TRANK1: variants seen among roughly 807,000 people sequenced by gnomAD.
TRANK1 encodes the protein TPR and ankyrin repeat-containing protein 1.
TRANK1 carries 198 observed loss-of-function variants against 266.0 expected under a neutral mutation model. The observed-to-expected ratio is 0.74, with a 90% CI of 0.66 to 0.84. The LOEUF (loss-of-function observed/expected upper bound fraction) is 0.84, where lower values mean the gene tolerates loss of function less well. Ranked by LOEUF, TRANK1 falls within the 40% of genes least tolerant of loss-of-function variation. The pLI is 0.00. For missense variants in TRANK1, 3,326 were observed against 3,634.6 expected, an observed-to-expected ratio of 0.92 and a Z score of 2.18; for synonymous variants, 1,396 against 1,384.1, an observed-to-expected ratio of 1.01 and a Z score of -0.19.
chr3:36,860,791 T>A, intron 11 of TRANK1, 115 bp downstream of exon 11: 1 of 1,410,044 alleles, frequency 7.1e-7, no homozygotes, highest in Non-Finnish European at 9.4e-7. Context: ...GGGTAGGCAA[T>A]GAGGGTGAAC....
chr3:36,845,926 T>C (rs1187719951), intron 17 of TRANK1, among the ~76,000 whole-genome samples: 2 of 152,232 alleles, frequency 1.3e-5, no homozygotes, highest in Non-Finnish European at 2.9e-5. Flanking sequence ...TTTATTTTGA[T>C]AGATACTGTT....
At position 36,850,853 on chromosome 3, in the gene TRANK1, T is replaced by C. The variant is rs1003741946; in HGVS notation, c.4887+866A>G. The C allele has an allele frequency of 7.1e-6, 7 of 985,286 alleles. No individual in the cohort carries two copies. In the Admixed American group the frequency reaches 3.7e-4, roughly 52 times the overall value. 61.0% of individuals were successfully genotyped at this position (985,286 alleles called of 1,614,324 possible). On this transcript the variant is annotated intron_variant, in intron 15 of 23. Coordinates refer to ENST00000645898, the MANE Select transcript of TRANK1 (RefSeq NM_001329998.2). ...TTTAAAGTGTTAAAGCCAACAGTGCTCTTGACTTGGGTATAACATAGCCCC... is the reference window on the plus strand; with the variant it reads ...TTTAAAGTGTTAAAGCCAACAGTGCCCTTGACTTGGGTATAACATAGCCCC...
At chr3:36,922,259 G>A (rs2080226270) in intron 1 of TRANK1, among the ~76,000 whole-genome samples, 1 of 152,216 alleles carries the variant, frequency 6.6e-6, no homozygotes, top group African/African-American at 2.4e-5. Context: ...TCTGTCCAAT[G>A]TGGTAACCAC....
At chr3:36,867,981 C>G (rs9859093) in intron 9 of TRANK1, among the ~76,000 whole-genome samples, 50,431 of 152,042 alleles carry the variant, frequency 0.33, 9,406 homozygotes, top group East Asian at 0.57. Flanking sequence ...TAGGTGAACT[C>G]ACATGTCTCA....
chr3:36,868,392 C>T (rs1180157094), intron 9 of TRANK1, among the ~76,000 whole-genome samples: 4 of 152,030 alleles, frequency 2.6e-5, no homozygotes, highest in Non-Finnish European at 5.9e-5. Flanking sequence ...TGTATATACA[C>T]AGATTTGAAA....
rs1273591799 is a variant in TRANK1 at position 36,918,490 on chromosome 3, AG to A, written c.24-10037del. Among the ~76,000 whole-genome samples, 6 of 17,048 alleles carry A rather than the reference AG, an allele frequency of 3.5e-4. No homozygotes were observed. In the East Asian group the frequency reaches 8.9e-3, roughly 25 times the overall value. 11.2% of individuals were successfully genotyped at this position (17,048 alleles called of 152,430 possible). ...AAAGAAGAAAGAAAGAAAGAAAGAA[AG>A]AAAGAAAGAAAGAAAGAAAGAAAGA... On this transcript the variant is annotated intron_variant, in intron 1 of 23. Coordinates refer to ENST00000645898, the MANE Select transcript of TRANK1 (RefSeq NM_001329998.2).
At position 36,832,005 on chromosome 3, in the gene TRANK1, G is replaced by C; in HGVS notation, c.7578C>G (p.Leu2526=). The change falls in exon 22 of 24, where the codon CTC becomes CTG. Residue 2526 remains leucine, a synonymous_variant. Transcript: ENST00000645898. The stretch of plus-strand genomic sequence containing the variant: ...CACATAGCACCTTGGCGAGGTAGGA[G>C]AGATGGAACCGGAAATCCTGAATGG... The part of the protein sequence containing the change: ...TRAIQDFRFH[L]SYLAKVLCGY... 3 of 1,614,052 alleles carry C rather than the reference G, an allele frequency of 1.9e-6. No homozygotes were observed. The highest frequency in any genetic ancestry group is 2.5e-6 in the Non-Finnish European group (3 of 1,179,910).
rs201299933 is a variant in TRANK1 at position 36,892,859 on chromosome 3, A to ATATC, written c.636+41_636+42insGATA. 7.5e-3 allele frequency: 5,373 copies of ATATC among 720,174 alleles called. 217 individuals are homozygous for ATATC. In the African/African-American group the frequency reaches 0.089, roughly 12 times the overall value. The allele number at this position is 720,174 out of a possible 1,614,324, so 44.6% of individuals were successfully genotyped here. A position where few individuals can be genotyped will look rare whatever the true frequency, so the allele number is the denominator to read the frequency against. Reference sequence around the variant, plus strand: ...AAACAAAACAAAACAAAACATATATATATATATATATAGATATATATAGAT... The same window carrying ATATC: ...AAACAAAACAAAACAAAACATATATATATCTATATATATATAGATATATATAGAT... On this transcript the variant is annotated intron_variant, in intron 6 of 23. Coordinates refer to ENST00000645898, the MANE Select transcript of TRANK1 (RefSeq NM_001329998.2).
intron 15 of TRANK1, among the ~76,000 whole-genome samples, chr3:36,849,396 C>T (rs2078958407): frequency 6.6e-6 from 1 of 152,194 alleles, no homozygotes; most frequent in South Asian, 2.1e-4. Flanking sequence ...TCTGTGGTCC[C>T]TTTCACATCT....
At chr3:36,852,922 C>T (rs1433191117) in intron 13 of TRANK1, among the ~76,000 whole-genome samples, 1 of 152,078 alleles carries the variant, frequency 6.6e-6, no homozygotes, top group Admixed American at 6.5e-5. Context: ...AAAAACAGTG[C>T]TGCATGTGAG....
intron 8 of TRANK1, 29 bp downstream of exon 8, chr3:36,889,800 C>A (rs1244056239): frequency 3.4e-5 from 52 of 1,512,894 alleles, no homozygotes; most frequent in Non-Finnish European, 4.4e-5. Flanking sequence ...CCAGCCACAG[C>A]GCACCCTCTG....
intron 1 of TRANK1, among the ~76,000 whole-genome samples, chr3:36,914,953 T>C (rs2080104777): frequency 6.6e-6 from 1 of 150,910 alleles, no homozygotes; most frequent in Non-Finnish European, 1.5e-5. Flanking sequence ...TATTTCTTTT[T>C]TGTTTTTTGT....
intron 1 of TRANK1, among the ~76,000 whole-genome samples, chr3:36,920,065 G>T (rs2080193909): frequency 6.6e-6 from 1 of 152,190 alleles, no homozygotes; most frequent in Non-Finnish European, 1.5e-5. Context: ...CTCCTATGCG[G>T]TACACAAACT....
chr3:36,833,739 G>A lies in TRANK1; in HGVS notation c.5844C>T (p.Arg1948=), dbSNP rs776588368. 2 of 1,614,018 alleles carry A rather than the reference G, an allele frequency of 1.2e-6. 1 individual carries two copies. Among genetic ancestry groups the A allele is most frequent in the South Asian group, 2.2e-5 (2 of 91,084 alleles). ...TCAGCAGGTCTGCAGCTTCTGCTAA[G>A]CGTTTCCGAGACTTCAAGAACACCA... ...DQLVFLKSRK[R]LAEAADLLNR... Residue 1948 remains arginine (R), a synonymous_variant, in exon 22 of 24, where the codon CGC becomes CGT. Coordinates refer to ENST00000645898, the MANE Select transcript of TRANK1 (RefSeq NM_001329998.2).
intron 1 of TRANK1, among the ~76,000 whole-genome samples, chr3:36,909,298 G>A (rs2080018590): frequency 1.3e-5 from 2 of 152,156 alleles, no homozygotes; most frequent in Admixed American, 1.3e-4. Flanking sequence ...CAGAGAAGAC[G>A]CACATTACTG....
intron 10 of TRANK1, among the ~76,000 whole-genome samples, chr3:36,863,036 A>G (rs191590780): frequency 2.0e-5 from 3 of 152,334 alleles, no homozygotes; most frequent in African/African-American, 7.2e-5. Flanking sequence ...TGAAGACAGA[A>G]AAAAGTTAAA....
intron 13 of TRANK1, among the ~76,000 whole-genome samples, chr3:36,854,617 G>T (rs1349650186): frequency 6.6e-6 from 1 of 152,150 alleles, no homozygotes. Context: ...TGTAAAATGG[G>T]TCTGATGCTT....
At chr3:36,914,109 C>A (rs1421285958) in intron 1 of TRANK1, among the ~76,000 whole-genome samples, 1 of 151,902 alleles carries the variant, frequency 6.6e-6, no homozygotes, top group African/African-American at 2.4e-5. Flanking sequence ...TATCTAGGGT[C>A]TCTTGACTGT....
intron 1 of TRANK1, among the ~76,000 whole-genome samples, chr3:36,910,140 C>G (rs1030677241): frequency 6.6e-6 from 1 of 152,182 alleles, no homozygotes; most frequent in Non-Finnish European, 1.5e-5. Flanking sequence ...AGAAACAATT[C>G]ACAAAGAAAC....
Sources: gnomAD v4.1 joint callset for allele counts (sites outside exome capture counted in the v4.1 genomes callset) on GRCh38, gnomAD v4.1.1 for gene constraint, MANE v1.5 for transcripts, NCBI Gene and HGNC (gene_info 2026-07-23, HGNC 2026-07-21) for gene names.